ARHGAP22: variants seen among roughly 807,000 people sequenced by gnomAD.
ARHGAP22 encodes rho GTPase-activating protein 22.
A neutral mutation model predicts 59.1 loss-of-function variants in ARHGAP22; 48 were observed. The observed-to-expected ratio is 0.81, with a 90% CI of 0.64 to 1.03. The LOEUF is 1.03. Ranked by LOEUF, ARHGAP22 falls within the 50% of genes least tolerant of loss-of-function variation. The pLI is 0.00. For missense variants in ARHGAP22, 1,015 were observed against 958.7 expected, an observed-to-expected ratio of 1.06 and a Z score of -0.78; for synonymous variants, 445 against 416.4, an observed-to-expected ratio of 1.07 and a Z score of -0.84.
At chr10:48,654,826 C>CT (rs1565068906), upstream of ARHGAP22, among the ~76,000 whole-genome samples, 32 of 99,846 alleles carry the variant, frequency 3.2e-4, no homozygotes, top group South Asian at 2.5e-3. Flanking sequence ...TTCTTTCTTT[C>CT]TTCCTTCCTT....
chr10:48,592,428 C>T (rs2059815208), intron 1 of ARHGAP22, among the ~76,000 whole-genome samples: 1 of 152,206 alleles, frequency 6.6e-6, no homozygotes, highest in African/African-American at 2.4e-5. Flanking sequence ...GTCAGTCCTC[C>T]CATTCTTTGG....
chr10:48,432,379 T>C, the ARHGAP22 span, among the ~76,000 whole-genome samples: 1 of 152,282 alleles, frequency 6.6e-6, no homozygotes, highest in South Asian at 2.1e-4. Flanking sequence ...TATTTTAGAG[T>C]TGTATATTTT....
At chr10:48,523,806 C>T (rs986853955) in intron 3 of ARHGAP22, among the ~76,000 whole-genome samples, 4 of 149,510 alleles carry the variant, frequency 2.7e-5, no homozygotes, top group South Asian at 4.1e-4. Context: ...GCCCAGGGGC[C>T]GGACCCCACC....
At chr10:48,451,474 G>C in intron 8 of ARHGAP22, 1 of 702,534 alleles carries the variant, frequency 1.4e-6, no homozygotes, top group Non-Finnish European at 2.6e-6. Flanking sequence ...GTTGGAACTG[G>C]AACCTGGGAC....
intron 1 of ARHGAP22, among the ~76,000 whole-genome samples, chr10:48,649,988 G>C (rs568976668): frequency 6.6e-6 from 1 of 151,196 alleles, no homozygotes; most frequent in African/African-American, 2.4e-5. Flanking sequence ...AAGACGGAGG[G>C]AGGGAGGGAG....
chr10:48,637,095 T>C (rs945484892), intron 1 of ARHGAP22, among the ~76,000 whole-genome samples: 10 of 152,164 alleles, frequency 6.6e-5, no homozygotes, highest in Non-Finnish European at 1.2e-4. Context: ...CAGGCCAGTC[T>C]CTGAGAAGCT....
chr10:48,613,324 T>G (rs1007221192), intron 1 of ARHGAP22, among the ~76,000 whole-genome samples: 4 of 152,218 alleles, frequency 2.6e-5, no homozygotes, highest in African/African-American at 9.7e-5. Flanking sequence ...ATACCCTCAG[T>G]ACTCATCTAT....
chr10:48,441,915 C>CTCA (rs1417509215), downstream of ARHGAP22, among the ~76,000 whole-genome samples: 3 of 152,202 alleles, frequency 2.0e-5, no homozygotes, highest in Non-Finnish European at 2.9e-5. Flanking sequence ...ATCCTGTGTT[C>CTCA]TCATCTTCTC....
At chr10:48,438,718 T>C in the ARHGAP22 span, 1 of 152,236 alleles carries the variant, frequency 6.6e-6, no homozygotes, top group Non-Finnish European at 1.5e-5. Context: ...GTTAAATACT[T>C]TCTAGCCAAT....
intron 3 of ARHGAP22, among the ~76,000 whole-genome samples, chr10:48,523,814 AC>A (rs1490424037): frequency 6.6e-6 from 1 of 151,070 alleles, no homozygotes; most frequent in African/African-American, 2.4e-5. Context: ...GCCGGACCCC[AC>A]CCCCACTCCC....
At chr10:48,470,305 T>G (rs918019003) in intron 4 of ARHGAP22, among the ~76,000 whole-genome samples, 1 of 152,174 alleles carries the variant, frequency 6.6e-6, no homozygotes, top group African/African-American at 2.4e-5. Context: ...CAGCCCCCTG[T>G]AAATCATCCC....
At chr10:48,477,337 A>G (rs368118168) in intron 4 of ARHGAP22, among the ~76,000 whole-genome samples, 5 of 152,330 alleles carry the variant, frequency 3.3e-5, no homozygotes, top group African/African-American at 1.2e-4. Context: ...TGTAGGTGGC[A>G]CTGTAGTGGA....
Position 48,450,755 on chromosome 10 carries a change from C to T in ARHGAP22, c.1374G>A (p.Gly458=). The T allele has an allele frequency of 6.4e-7, 1 of 1,560,780 alleles. No individual in the cohort carries two copies. Among genetic ancestry groups the T allele is most frequent in the Non-Finnish European group, 8.7e-7 (1 of 1,152,688 alleles). ...AGGACAGCCCGTTCATAAGCCAGTT[C>T]CCGCCGGAGGAGATGATGGGCACCT... ...SLEVPIISSG[G]NWLMNGLSSL... is the part of the protein sequence containing the mutation. The change falls in exon 9 of 10, where the codon GGG becomes GGA. Residue 458 remains glycine (G), a synonymous_variant. Transcript: ENST00000249601.
chr10:48,458,656 A>G (rs1202543192), intron 5 of ARHGAP22, among the ~76,000 whole-genome samples: 1 of 152,154 alleles, frequency 6.6e-6, no homozygotes, highest in Non-Finnish European at 1.5e-5. Context: ...TACCCAGGTG[A>G]CATTATTTGA....
intron 3 of ARHGAP22, among the ~76,000 whole-genome samples, chr10:48,533,187 T>C (rs532571173): frequency 6.6e-6 from 1 of 151,766 alleles, no homozygotes; most frequent in Non-Finnish European, 1.5e-5. Context: ...TGTTGTTTTT[T>C]TTTTTTTTTT....
intron 3 of ARHGAP22, chr10:48,493,384 C>A: frequency 6.7e-7 from 1 of 1,491,072 alleles, no homozygotes; most frequent in South Asian, 1.2e-5. Context: ...ATCGCCCTCC[C>A]CAGTCTCCCA....
At chr10:48,583,344 T>G (rs1354409596) in intron 1 of ARHGAP22, among the ~76,000 whole-genome samples, 192 bp from the exon 2 acceptor site, 1 of 152,232 alleles carries the variant, frequency 6.6e-6, no homozygotes, top group Non-Finnish European at 1.5e-5. Flanking sequence ...CAGCCTGCAG[T>G]GATCCCCCTG....
At chr10:48,643,187 C>G (rs1389391377) in intron 1 of ARHGAP22, among the ~76,000 whole-genome samples, 1 of 152,178 alleles carries the variant, frequency 6.6e-6, no homozygotes. Context: ...GTGGCAATTC[C>G]TCAAGGATCT....
In ARHGAP22 at chr10:48,619,770, T is replaced by C. The variant is rs114629524; in HGVS notation, c.52+32464A>G. Among the ~76,000 whole-genome samples, 820 of 152,290 alleles carry C rather than the reference T, an allele frequency of 5.4e-3. 10 individuals carry two copies. Among genetic ancestry groups the C allele is most frequent in the African/African-American group, 0.019 (790 of 41,554 alleles). ...CCAAAAGAAAACATCGGGAAAATGC[T>C]TCAGGACATTGGTCTGAGCAAAGAT... On this transcript the variant is annotated intron_variant, in intron 1 of 9. Coordinates refer to the ARHGAP22 transcript ENST00000435790.
Sources: gnomAD v4.1 joint callset for allele counts (sites outside exome capture counted in the v4.1 genomes callset) on GRCh38, gnomAD v4.1.1 for gene constraint, MANE v1.5 for transcripts, NCBI Gene and HGNC (gene_info 2026-07-23, HGNC 2026-07-21) for gene names.